SUSD6: variants seen among roughly 807,000 people sequenced by gnomAD.
The protein encoded by SUSD6 is sushi domain-containing protein 6.
SUSD6 carries 16 observed loss-of-function variants against 28.4 expected under a neutral mutation model. The ratio of observed to expected loss-of-function variants is 0.56; its 90% CI spans 0.38 to 0.86. The LOEUF is 0.86. SUSD6 is among the 40% of genes least tolerant of loss of function. The pLI, the probability that SUSD6 is intolerant of heterozygous loss-of-function variation, is 0.00. For missense variants in SUSD6, 341 were observed against 384.2 expected, an observed-to-expected ratio of 0.89 and a Z score of 0.94; for synonymous variants, 147 against 159.6, an observed-to-expected ratio of 0.92 and a Z score of 0.59.
At chr14:69,665,398 A>G (rs1418922370) in intron 2 of SUSD6, among the ~76,000 whole-genome samples, 1 of 152,120 alleles carries the variant, frequency 6.6e-6, no homozygotes, top group Non-Finnish European at 1.5e-5. Flanking sequence ...ATAGGCATGC[A>G]TCACCACACC....
intron 1 of SUSD6, among the ~76,000 whole-genome samples, chr14:69,622,283 G>A (rs1016123392): frequency 2.0e-5 from 3 of 152,120 alleles, no homozygotes; most frequent in African/African-American, 7.2e-5. Flanking sequence ...TCCCACCTCA[G>A]CCTCCTGAAT....
chr14:69,700,745 G>A (rs972308595), intron 2 of SUSD6, among the ~76,000 whole-genome samples: 4 of 152,190 alleles, frequency 2.6e-5, no homozygotes, highest in East Asian at 3.8e-4. Flanking sequence ...TTTGACATGT[G>A]TTAGAATAAA....
At chr14:69,632,837 A>C (rs188276323) in intron 1 of SUSD6, among the ~76,000 whole-genome samples, 23 of 150,842 alleles carry the variant, frequency 1.5e-4, no homozygotes, top group Non-Finnish European at 3.3e-4. Flanking sequence ...CTCATCCAAA[A>C]CTCCCCTCTT....
At chr14:69,656,358 G>A (rs1379492084) in intron 1 of SUSD6, among the ~76,000 whole-genome samples, 1 of 152,162 alleles carries the variant, frequency 6.6e-6, no homozygotes, top group Non-Finnish European at 1.5e-5. Context: ...GCACATGCAG[G>A]TGTCATTCTT....
chr14:69,675,773 CT>C lies in SUSD6; in HGVS notation c.121+17065del, dbSNP rs200105391. Among the ~76,000 whole-genome samples, 626 of 152,150 alleles carry C rather than the reference CT, an allele frequency of 4.1e-3. 14 individuals are homozygous for C. The highest frequency in any genetic ancestry group is 0.036 in the Admixed American group (549 of 15,280). On this transcript the variant is annotated intron_variant, in intron 2 of 5. Coordinates refer to ENST00000342745, the MANE Select transcript of SUSD6 (RefSeq NM_014734.4). ...AGGCCTTCCCATTACAAATCAAATA[CT>C]TTTTGTTTATTATTGTTATTATTTT...
intron 1 of SUSD6, among the ~76,000 whole-genome samples, chr14:69,618,030 T>G (rs773800376): frequency 6.6e-6 from 1 of 152,218 alleles, no homozygotes; most frequent in Non-Finnish European, 1.5e-5. Flanking sequence ...TCATTTCCTC[T>G]ACAGGATGTG....
intron 1 of SUSD6, among the ~76,000 whole-genome samples, chr14:69,622,535 G>A (rs7144176): frequency 0.016 from 2,455 of 152,246 alleles, 69 homozygotes; most frequent in African/African-American, 0.056. Context: ...GTTTCTCTGT[G>A]TTTACTGTGC....
At chr14:69,672,523 C>T (rs1885848490) in intron 2 of SUSD6, among the ~76,000 whole-genome samples, 1 of 152,154 alleles carries the variant, frequency 6.6e-6, no homozygotes, top group East Asian at 1.9e-4. Flanking sequence ...CAGATTTCTT[C>T]ATTCTGTCCT....
At chr14:69,661,670 G>A (rs1480276293) in intron 2 of SUSD6, among the ~76,000 whole-genome samples, 1 of 152,158 alleles carries the variant, frequency 6.6e-6, no homozygotes. Flanking sequence ...AAGCACACCT[G>A]TATGGCCGTG....
At chr14:69,647,723 G>A (rs1050780631) in intron 1 of SUSD6, among the ~76,000 whole-genome samples, 3 of 152,010 alleles carry the variant, frequency 2.0e-5, no homozygotes, top group Non-Finnish European at 2.9e-5. Context: ...AGTGGCTCAC[G>A]CCTGTAATCC....
At chr14:69,636,492 A>G (rs1885267883) in intron 1 of SUSD6, among the ~76,000 whole-genome samples, 1 of 151,848 alleles carries the variant, frequency 6.6e-6, no homozygotes, top group South Asian at 2.1e-4. Flanking sequence ...AGTACCTCAG[A>G]CTCGCCTCCT....
At chr14:69,630,601 T>C (rs575725881) in intron 1 of SUSD6, among the ~76,000 whole-genome samples, 6 of 152,076 alleles carry the variant, frequency 3.9e-5, no homozygotes, top group Non-Finnish European at 8.8e-5. Flanking sequence ...AAGTGAATCA[T>C]GTTTATTCAA....
intron 2 of SUSD6, among the ~76,000 whole-genome samples, chr14:69,697,220 G>A (rs1012519380): frequency 7.9e-5 from 12 of 152,156 alleles, no homozygotes. Context: ...GACACCGGAG[G>A]TCACTTTCGT....
intron 2 of SUSD6, among the ~76,000 whole-genome samples, chr14:69,677,373 G>A (rs1022108732): frequency 1.1e-4 from 17 of 150,800 alleles, no homozygotes; most frequent in Admixed American, 4.6e-4. Context: ...GTGAAACCCC[G>A]TCTCTACTAA....
chr14:69,710,921 AACCACTGTGCTTT>A lies in SUSD6; in HGVS notation c.887-32_887-20del. On this transcript the variant is annotated intron_variant, in intron 5 of 5. Transcript: ENST00000342745. ...AGTGCTCTAGAGTTCCACACAAGGT[AACCACTGTGCTTT>A]TCTTCTGGTCTTCCTGCAGATATTC... 1 of 1,612,116 alleles carries A rather than the reference AACCACTGTGCTTT, an allele frequency of 6.2e-7. No homozygotes were observed. The highest frequency in any genetic ancestry group is 8.5e-7 in the Non-Finnish European group (1 of 1,178,244).
At chr14:69,644,980 T>C (rs910616446) in intron 1 of SUSD6, among the ~76,000 whole-genome samples, 1 of 152,078 alleles carries the variant, frequency 6.6e-6, no homozygotes, top group Non-Finnish European at 1.5e-5. Context: ...GAAGGAACAG[T>C]GGGCAAGTTC....
At chr14:69,668,244 TAGA>T (rs1351939570) in intron 2 of SUSD6, among the ~76,000 whole-genome samples, 1 of 152,208 alleles carries the variant, frequency 6.6e-6, no homozygotes, top group Non-Finnish European at 1.5e-5. Flanking sequence ...GCAACCTGCC[TAGA>T]AGAGTACGTT....
intron 2 of SUSD6, among the ~76,000 whole-genome samples, chr14:69,660,739 G>T (rs1277947955): frequency 6.6e-6 from 1 of 152,182 alleles, no homozygotes; most frequent in East Asian, 1.9e-4. Flanking sequence ...AAATCAGAAA[G>T]ATATTTCATG....
intron 1 of SUSD6, among the ~76,000 whole-genome samples, chr14:69,619,449 G>A (rs529369036): frequency 6.6e-6 from 1 of 152,030 alleles, no homozygotes; most frequent in Non-Finnish European, 1.5e-5. Flanking sequence ...TCTCTGTGCT[G>A]TGTATCTTTG....
Sources: allele counts gnomAD v4.1 joint callset (sites outside exome capture counted in the v4.1 genomes callset), GRCh38; gene constraint gnomAD v4.1.1; transcripts MANE v1.5; gene names NCBI Gene and HGNC (gene_info 2026-07-23, HGNC 2026-07-21).